Variants in EXOC2 observed in about 807,000 individuals in gnomAD.
EXOC2 encodes the protein exocyst complex component 2, also known as SEC5-like 1.
A neutral mutation model predicts 131.8 loss-of-function variants in EXOC2; 70 were observed. The observed-to-expected ratio is 0.53, with a 90% CI of 0.44 to 0.65. The LOEUF (loss-of-function observed/expected upper bound fraction) is 0.65, where lower values mean the gene tolerates loss of function less well. Among genes scored for constraint, EXOC2 ranks in the 30% least tolerant of loss-of-function variants. The probability of loss-of-function intolerance (pLI) is 0.00; values close to 1 mark genes in which losing one functional copy is unlikely to be tolerated. For missense variants in EXOC2, 923 were observed against 1,108.6 expected, an observed-to-expected ratio of 0.83 and a Z score of 2.38; for synonymous variants, 411 against 398.4, an observed-to-expected ratio of 1.03 and a Z score of -0.38.
At chr6:545,153 C>CAAAA (rs36051866) in intron 22 of EXOC2, among the ~76,000 whole-genome samples, 9 of 85,458 alleles carry the variant, frequency 1.1e-4, no homozygotes, top group East Asian at 3.6e-4. Context: ...GACTCCGTCT[C>CAAAA]AAAAAAAAAA....
chr6:612,966 C>A (rs1236546413), intron 6 of EXOC2, among the ~76,000 whole-genome samples: 2 of 152,118 alleles, frequency 1.3e-5, no homozygotes, highest in Admixed American at 1.3e-4. Flanking sequence ...TCAGGGAAAT[C>A]GCCACCAAAA....
rs57314999 is a variant in EXOC2, at chr6:511,723, C to T, written c.2381-12023G>A. On this transcript the variant is annotated intron_variant, in intron 23 of 27. Transcript: ENST00000230449. ...CACTCCAAGGATGTCACCAATGAGGCCCACAGGCTCAGGGCAGCAAGGGCA... is the reference window on the plus strand; with the variant it reads ...CACTCCAAGGATGTCACCAATGAGGTCCACAGGCTCAGGGCAGCAAGGGCA... 3.2e-4 allele frequency among the ~76,000 whole-genome samples: 49 copies of T among 152,370 alleles called. No individual in the cohort carries two copies. The East Asian group carries it at 9.1e-3, about 28-fold the overall frequency.
At chr6:560,210 C>G (rs1396463751) in intron 17 of EXOC2, among the ~76,000 whole-genome samples, 1 of 152,214 alleles carries the variant, frequency 6.6e-6, no homozygotes, top group Non-Finnish European at 1.5e-5. Context: ...TCCACAGTAT[C>G]TCATTGTATC....
rs779782702 is a variant in EXOC2, at chr6:629,878, A to AG, written c.378dup (p.Ser128ValfsTer6). Reference sequence around the variant, plus strand: ...AGCGGGTTAGCAGGACGTAAGGACAAGGGCGGAATTCCTTTGTTCCTGTCA... The same window carrying AG: ...AGCGGGTTAGCAGGACGTAAGGACAAGGGGCGGAATTCCTTTGTTCCTGTCA... On this transcript the variant is annotated frameshift_variant, in exon 4 of 28. Transcript: ENST00000230449. LOFTEE classifies it high-confidence loss of function. The AG allele has an allele frequency of 6.2e-7, 1 of 1,614,148 alleles. No individual in the cohort carries two copies. Among genetic ancestry groups the AG allele is most frequent in the South Asian group, 1.1e-5 (1 of 91,084 alleles).
chr6:621,918 C>A (rs1167986876), intron 4 of EXOC2, among the ~76,000 whole-genome samples: 2 of 152,218 alleles, frequency 1.3e-5, no homozygotes, highest in Non-Finnish European at 2.9e-5. Context: ...CACCCCATGC[C>A]TCCAAGTTAG....
chr6:606,162 C>A (rs1760399120), intron 7 of EXOC2, among the ~76,000 whole-genome samples: 1 of 152,144 alleles, frequency 6.6e-6, no homozygotes, highest in South Asian at 2.1e-4. Context: ...CAAACTATCA[C>A]AAGGACAAAA....
intron 25 of EXOC2, among the ~76,000 whole-genome samples, chr6:493,715 C>T (rs1763563811): frequency 6.6e-6 from 1 of 152,166 alleles, no homozygotes; most frequent in East Asian, 1.9e-4. Flanking sequence ...AGGAAGGAAG[C>T]TCTCAAAGTC....
intron 1 of EXOC2, among the ~76,000 whole-genome samples, chr6:660,177 T>TC (rs200433025): frequency 5.6e-4 from 9 of 16,184 alleles, no homozygotes; most frequent in South Asian, 4.9e-3. Context: ...GACCCACCCA[T>TC]CCCCCCCAAC....
chr6:632,377 C>T (rs1186123207), intron 3 of EXOC2, among the ~76,000 whole-genome samples: 1 of 152,062 alleles, frequency 6.6e-6, no homozygotes, highest in East Asian at 1.9e-4. Context: ...CGTAAGGCAG[C>T]AAGTTCCTAA....
chr6:685,481 G>T (rs943423422), intron 1 of EXOC2, among the ~76,000 whole-genome samples: 6 of 152,164 alleles, frequency 3.9e-5, no homozygotes, highest in African/African-American at 1.4e-4. Context: ...GAGATATTGG[G>T]GAAAGGGTTC....
intron 1 of EXOC2, among the ~76,000 whole-genome samples, chr6:648,899 A>T (rs966727741): frequency 5.4e-5 from 8 of 147,170 alleles, no homozygotes; most frequent in Admixed American, 6.8e-5. Flanking sequence ...TTTTTGTTAT[A>T]TTTTTTTTTT....
Position 599,125 on chromosome 6 carries a change from C to G in EXOC2, c.843G>C (p.Lys281Asn). 6.2e-7 allele frequency: 1 copy of G among 1,613,084 alleles called. No individual in the cohort carries two copies. Among genetic ancestry groups the G allele is most frequent in the Non-Finnish European group, 8.5e-7 (1 of 1,179,488 alleles). Residue 281 changes from lysine (K) to asparagine (N), a missense_variant, in exon 8 of 28, where the codon AAG (lysine) becomes AAC (asparagine). Lys to Asn is a moderately conservative substitution (Grantham distance 94, BLOSUM62 0). Coordinates refer to ENST00000230449, the MANE Select transcript of EXOC2 (RefSeq NM_018303.6). Reference protein sequence around the residue: ...RNALNVLQRFKFLFNLPLNIE... With the variant: ...RNALNVLQRFNFLFNLPLNIE... ...TATTTAGAGGAAGGTTGAAAAGAAA[C>G]TTAAATCGCTGAAGCACATTGAGTG...
Position 654,431 on chromosome 6 carries a change from G to A in EXOC2, c.-43-16570C>T, listed in dbSNP as rs145571721. 6.6e-5 allele frequency among the ~76,000 whole-genome samples: 10 copies of A among 152,212 alleles called. No homozygotes were observed. In the East Asian group the frequency reaches 7.7e-4, roughly 12 times the overall value. On this transcript the variant is annotated intron_variant, in intron 1 of 27. Coordinates refer to ENST00000230449, the MANE Select transcript of EXOC2 (RefSeq NM_018303.6). ...AAAAGAAGTTGATTCCAACCAGCAC[G>A]GATGACTTTAAGGAGTTCAAGACTT...
At chr6:488,853 A>C (rs1175536735) in intron 27 of EXOC2, 126 bp downstream of exon 27, 7 of 1,002,002 alleles carry the variant, frequency 7.0e-6, no homozygotes, top group Non-Finnish European at 7.4e-6. Context: ...ATATCTGCTT[A>C]TTCTGATTCT....
intron 23 of EXOC2, among the ~76,000 whole-genome samples, chr6:529,131 CT>C (rs1321212506): frequency 6.6e-6 from 1 of 152,164 alleles, no homozygotes; most frequent in Non-Finnish European, 1.5e-5. Flanking sequence ...CCCCCGCGCC[CT>C]GGTTACTGCT....
At chr6:588,555 A>C (rs1018216691) in intron 11 of EXOC2, among the ~76,000 whole-genome samples, 1 of 152,146 alleles carries the variant, frequency 6.6e-6, no homozygotes, top group South Asian at 2.1e-4. Context: ...GGGTTTCACT[A>C]TGTTGGCCAG....
intron 7 of EXOC2, among the ~76,000 whole-genome samples, chr6:605,323 C>T (rs1458613945): frequency 6.6e-6 from 1 of 152,234 alleles, no homozygotes; most frequent in Non-Finnish European, 1.5e-5. Context: ...ACATTAAAAA[C>T]TCACTTATTG....
chr6:641,692 C>T (rs1002756139), intron 1 of EXOC2, among the ~76,000 whole-genome samples: 1 of 152,118 alleles, frequency 6.6e-6, no homozygotes, highest in African/African-American at 2.4e-5. Context: ...CCCTCTGGCA[C>T]CCCCTGAATC....
chr6:493,830 G>C (rs138882232), intron 25 of EXOC2, among the ~76,000 whole-genome samples: 1 of 152,214 alleles, frequency 6.6e-6, no homozygotes, highest in Non-Finnish European at 1.5e-5. Context: ...GGCTGGAACA[G>C]TTTGATGGCC....
Sources: allele counts gnomAD v4.1 joint callset (sites outside exome capture counted in the v4.1 genomes callset), GRCh38; gene constraint gnomAD v4.1.1; transcripts MANE v1.5; gene names NCBI Gene and HGNC (gene_info 2026-07-23, HGNC 2026-07-21).